Variants in SENP7 observed in about 807,000 individuals in gnomAD.
SENP7 encodes SUMO specific peptidase 7, also known as sentrin-specific protease 7.
SENP7 carries 64 observed loss-of-function variants against 141.2 expected under a neutral mutation model. The observed-to-expected ratio is 0.45, with a 90% CI of 0.37 to 0.56. The LOEUF (loss-of-function observed/expected upper bound fraction) is 0.56, where lower values mean the gene tolerates loss of function less well. Among genes scored for constraint, SENP7 ranks in the 20% least tolerant of loss-of-function variants. The probability of loss-of-function intolerance (pLI) is 0.00; values close to 1 mark genes in which losing one functional copy is unlikely to be tolerated. For missense variants in SENP7, 1,025 were observed against 1,212.2 expected (o/e 0.85, Z 2.29); for synonymous variants, 382 against 426.4 (o/e 0.90, Z 1.28).
intron 11 of SENP7, chr3:101,358,054 C>A (rs2059790832): frequency 3.1e-6 from 2 of 642,488 alleles, no homozygotes; most frequent in Admixed American, 2.8e-5. Flanking sequence ...CATCCTCAAC[C>A]CTTATTAAAC....
intron 2 of SENP7, among the ~76,000 whole-genome samples, chr3:101,497,539 G>A (rs765688551): frequency 3.3e-4 from 50 of 151,856 alleles, no homozygotes; most frequent in Admixed American, 5.9e-4. Flanking sequence ...ATAGGAGCAC[G>A]TCACAAGGGT....
chr3:101,452,850 C>A lies in SENP7; in HGVS notation c.284+6105G>T, dbSNP rs1377299313. 4.6e-5 allele frequency among the ~76,000 whole-genome samples: 7 copies of A among 152,180 alleles called. No individual in the cohort carries two copies. The South Asian group carries it at 1.2e-3, about 27-fold the overall frequency. On this transcript the variant is annotated intron_variant, in intron 4 of 23. Coordinates refer to ENST00000394095, the MANE Select transcript of SENP7 (RefSeq NM_020654.5). ...ACACCAAAAGCAATGGCAACAAAAG[C>A]CAAAATTGACAAATGGGATCTACTT...
chr3:101,471,626 G>A (rs2063999068), intron 3 of SENP7, among the ~76,000 whole-genome samples: 1 of 152,068 alleles, frequency 6.6e-6, no homozygotes, highest in Non-Finnish European at 1.5e-5. Flanking sequence ...CAAAAGCAAT[G>A]GCAACAAAAG....
intron 3 of SENP7, among the ~76,000 whole-genome samples, chr3:101,473,949 A>G (rs901801632): frequency 2.6e-5 from 4 of 152,192 alleles, no homozygotes; most frequent in African/African-American, 9.7e-5. Context: ...TTTTCTGCAT[A>G]TGGCTAACCA....
intron 4 of SENP7, among the ~76,000 whole-genome samples, chr3:101,435,871 G>A (rs2062368968): frequency 6.6e-6 from 1 of 152,030 alleles, no homozygotes; most frequent in African/African-American, 2.4e-5. Context: ...CAGATTCAAT[G>A]CAATCCCCAT....
rs2107118990 is a variant in SENP7 at position 101,332,034 on chromosome 3, T to A, written c.2649A>T (p.Val883=). ...EAVYEDFPQT[V]SQQSQAQQSQ... ...ACTGCTGAGCCTGGGACTGCTGGGA[T>A]ACAGTTTGTGGAAAATCTTCATACA... Residue 883 remains valine (V), a synonymous_variant, in exon 19 of 24, where the codon GTA becomes GTT. Transcript: ENST00000394095. 6.2e-7 allele frequency: 1 copy of A among 1,613,646 alleles called. No individual in the cohort carries two copies. Among genetic ancestry groups the A allele is most frequent in the Admixed American group, 1.7e-5 (1 of 59,968 alleles).
At chr3:101,446,119 TA>T (rs2062883225) in intron 4 of SENP7, among the ~76,000 whole-genome samples, 1 of 152,186 alleles carries the variant, frequency 6.6e-6, no homozygotes, top group African/African-American at 2.4e-5. Context: ...TGGTTATTTA[TA>T]AAAGTGTAGT....
chr3:101,407,058 T>TA (rs1168682959), intron 5 of SENP7, among the ~76,000 whole-genome samples: 1 of 152,166 alleles, frequency 6.6e-6, no homozygotes, highest in Non-Finnish European at 1.5e-5. Context: ...AAAGAACTGC[T>TA]AAAAGGAGCT....
At chr3:101,475,774 T>C (rs537535273) in intron 3 of SENP7, among the ~76,000 whole-genome samples, 3 of 152,196 alleles carry the variant, frequency 2.0e-5, no homozygotes, top group African/African-American at 7.2e-5. Flanking sequence ...TCATCATATA[T>C]TGATGAAGAG....
intron 4 of SENP7, among the ~76,000 whole-genome samples, chr3:101,421,003 A>G (rs2107671145): frequency 1.3e-5 from 2 of 152,346 alleles, no homozygotes; most frequent in South Asian, 4.1e-4. Flanking sequence ...ATTTAAAAAT[A>G]AATAAATAAA....
chr3:101,453,496 G>T (rs545237375), intron 4 of SENP7, among the ~76,000 whole-genome samples: 5 of 152,308 alleles, frequency 3.3e-5, no homozygotes, highest in Admixed American at 2.6e-4. Flanking sequence ...ACTGGATGAA[G>T]AAAATGTGGC....
intron 2 of SENP7, among the ~76,000 whole-genome samples, chr3:101,496,289 T>G (rs1168119058): frequency 6.6e-6 from 1 of 152,224 alleles, no homozygotes; most frequent in Non-Finnish European, 1.5e-5. Context: ...AGGGTCTCGC[T>G]CTGTCACCTA....
chr3:101,335,075 C>T (rs754866741), intron 17 of SENP7, among the ~76,000 whole-genome samples: 16 of 152,126 alleles, frequency 1.1e-4, no homozygotes, highest in Non-Finnish European at 1.9e-4. Context: ...AAAATGAAGA[C>T]GTAAACAAAC....
chr3:101,386,384 T>C (rs1417054862), intron 6 of SENP7, among the ~76,000 whole-genome samples: 1 of 152,100 alleles, frequency 6.6e-6, no homozygotes, highest in Non-Finnish European at 1.5e-5. Flanking sequence ...CTGAGACTAA[T>C]ATGGGGGCTG....
intron 7 of SENP7, among the ~76,000 whole-genome samples, chr3:101,368,428 G>C (rs982647688): frequency 6.6e-6 from 1 of 151,642 alleles, no homozygotes; most frequent in Non-Finnish European, 1.5e-5. Flanking sequence ...CCTTTGTAGG[G>C]ATATGGATGA....
rs760842914 is a variant in SENP7, at chr3:101,366,441, G to A, written c.1307C>T (p.Ser436Leu). 3.1e-6 allele frequency: 5 copies of A among 1,597,060 alleles called. No homozygotes were observed. In the Admixed American group the frequency reaches 6.9e-5, roughly 22 times the overall value. The change falls in exon 9 of 24, where the codon TCA becomes TTA. Residue 436 changes from serine (S) to leucine (L), a missense_variant. Coordinates refer to ENST00000394095, the MANE Select transcript of SENP7 (RefSeq NM_020654.5). ...CTCCTGTCACTTACTTGGTTCAGCT[G>A]AGATCAGTGATTGGTTCCCTTCATT... ...GHNEGNQSLISAEPIVVSSDE... is the reference protein window; with the variant it reads ...GHNEGNQSLILAEPIVVSSDE...
chr3:101,433,005 G>A (rs898393774), intron 4 of SENP7, among the ~76,000 whole-genome samples: 10 of 152,092 alleles, frequency 6.6e-5, no homozygotes, highest in African/African-American at 1.4e-4. Flanking sequence ...CTTATCCTAC[G>A]TAGAAAGACT....
intron 3 of SENP7, among the ~76,000 whole-genome samples, chr3:101,481,440 T>A (rs1161240293): frequency 1.3e-5 from 2 of 152,092 alleles, no homozygotes; most frequent in African/African-American, 4.8e-5. Context: ...AAAAAGTTGA[T>A]CTCATGAAGG....
In SENP7 at chr3:101,339,722, C is replaced by CA. The variant is rs796092314; in HGVS notation, c.2357+372dup. Among the ~76,000 whole-genome samples, 949 of 140,814 alleles carry CA rather than the reference C, an allele frequency of 6.7e-3. 7 individuals are homozygous for CA. Among genetic ancestry groups the CA allele is most frequent in the African/African-American group, 0.023 (879 of 38,314 alleles). 92.4% of individuals were successfully genotyped at this position (140,814 alleles called of 152,430 possible). ...GACAAGAGTGAGACTCCATCTCAAA[C>CA]AAAAAAAAAAAGATACAACAGATAT... On this transcript the variant is annotated intron_variant, in intron 16 of 23. Coordinates refer to ENST00000394095, the MANE Select transcript of SENP7 (RefSeq NM_020654.5).
Sources: allele counts gnomAD v4.1 joint callset (sites outside exome capture counted in the v4.1 genomes callset), GRCh38; gene constraint gnomAD v4.1.1; transcripts MANE v1.5; gene names NCBI Gene and HGNC (gene_info 2026-07-23, HGNC 2026-07-21).